The following BTBD9 variants were observed in gnomAD, a reference collection of about 807,000 sequenced individuals.
BTBD9 encodes BTB/POZ domain-containing protein 9.
BTBD9 carries 49 observed loss-of-function variants against 64.3 expected under a neutral mutation model. That is an observed-to-expected ratio of 0.76 (90% CI 0.61 to 0.97). The LOEUF (loss-of-function observed/expected upper bound fraction) is 0.97, where lower values mean the gene tolerates loss of function less well. Among genes scored for constraint, BTBD9 ranks in the 50% least tolerant of loss-of-function variants. The probability of loss-of-function intolerance (pLI) is 0.00; values close to 1 mark genes in which losing one functional copy is unlikely to be tolerated. For synonymous variants in BTBD9, 260 were observed against 274.7 expected (o/e 0.95, Z 0.53); for missense variants, 598 against 762.1 (o/e 0.78, Z 2.53).
chr6:38,608,953 A>C (rs1944471545), intron 1 of BTBD9, among the ~76,000 whole-genome samples: 1 of 152,196 alleles, frequency 6.6e-6, no homozygotes, highest in Non-Finnish European at 1.5e-5. Flanking sequence ...GCAGAAGAAA[A>C]AGAAACTCAG....
chr6:38,596,350 T>A (rs987781646), intron 2 of BTBD9, among the ~76,000 whole-genome samples: 21 of 152,156 alleles, frequency 1.4e-4, no homozygotes, highest in Admixed American at 1.3e-3. Context: ...CTCAATACGA[T>A]CTTCAAATTT....
intron 9 of BTBD9, among the ~76,000 whole-genome samples, chr6:38,209,525 C>A (rs1352280482): frequency 6.6e-6 from 1 of 152,200 alleles, no homozygotes; most frequent in East Asian, 1.9e-4. Flanking sequence ...TGGGTCTTAA[C>A]CTTGGCTGCA....
chr6:38,375,300 A>G (rs948704280), intron 6 of BTBD9, among the ~76,000 whole-genome samples: 1 of 152,194 alleles, frequency 6.6e-6, no homozygotes, highest in Admixed American at 6.5e-5. Flanking sequence ...TATTAGCATC[A>G]AATATTTTTT....
intron 9 of BTBD9, among the ~76,000 whole-genome samples, 196 bp downstream of exon 9, chr6:38,256,213 C>T (rs1764573796): frequency 6.6e-6 from 1 of 152,066 alleles, no homozygotes; most frequent in African/African-American, 2.4e-5. Context: ...AATAGAGAAA[C>T]CCTGTTTGGT....
chr6:38,205,528 T>G (rs1253326967), intron 9 of BTBD9, among the ~76,000 whole-genome samples: 2 of 152,248 alleles, frequency 1.3e-5, no homozygotes, highest in Middle Eastern at 3.4e-3. Context: ...CATCCTCTCT[T>G]TGTATTTATG....
At chr6:38,299,132 T>G (rs1762282673) in intron 7 of BTBD9, among the ~76,000 whole-genome samples, 1 of 152,332 alleles carries the variant, frequency 6.6e-6, no homozygotes, top group African/African-American at 2.4e-5. Flanking sequence ...TTGCGATAGT[T>G]TGCTGAGAAT....
intron 7 of BTBD9, among the ~76,000 whole-genome samples, chr6:38,337,417 A>G (rs1168969524): frequency 6.6e-6 from 1 of 152,256 alleles, no homozygotes; most frequent in Non-Finnish European, 1.5e-5. Context: ...TCTATTTACT[A>G]TCTTCAGCTC....
intron 7 of BTBD9, among the ~76,000 whole-genome samples, chr6:38,305,538 A>T (rs1403987378): frequency 6.6e-6 from 1 of 152,180 alleles, no homozygotes; most frequent in Admixed American, 6.5e-5. Flanking sequence ...GCTGGAGTGC[A>T]GTGGCACGGT....
intron 6 of BTBD9, among the ~76,000 whole-genome samples, chr6:38,530,907 C>T (rs1471194323): frequency 6.6e-6 from 1 of 152,032 alleles, no homozygotes; most frequent in Non-Finnish European, 1.5e-5. Flanking sequence ...AGCTTGAAAA[C>T]TGGCTATTTG....
At chr6:38,210,470 A>G (rs1762791057) in intron 9 of BTBD9, among the ~76,000 whole-genome samples, 1 of 151,786 alleles carries the variant, frequency 6.6e-6, no homozygotes, top group South Asian at 2.1e-4. Flanking sequence ...AAAAAAGCAA[A>G]TTCGTGTTTC....
At chr6:38,590,000 C>T (rs1264070557) in intron 4 of BTBD9, among the ~76,000 whole-genome samples, 1 of 152,188 alleles carries the variant, frequency 6.6e-6, no homozygotes, top group Non-Finnish European at 1.5e-5. Context: ...TCTTTTATCA[C>T]CAGCTTTGAC....
chr6:38,471,300 T>C (rs1279327671), intron 6 of BTBD9, among the ~76,000 whole-genome samples: 1 of 152,180 alleles, frequency 6.6e-6, no homozygotes, highest in Non-Finnish European at 1.5e-5. Flanking sequence ...AAGTAGCAAC[T>C]TTGGGTTTAC....
rs371651433 is a variant in BTBD9 at position 38,349,507 on chromosome 6, T to C, written c.1155-4414A>G. Among the ~76,000 whole-genome samples the C allele has an allele frequency of 4.5e-4, 69 of 152,288 alleles. 4 individuals carry two copies. The South Asian group carries it at 8.5e-3, about 19-fold the overall frequency. ...GAGAGGGAGAGAGACTGCATTCCCA[T>C]AACTTTTCACAGTATATTGTTATAA... On this transcript the variant is annotated intron_variant, in intron 6 of 10. Coordinates refer to ENST00000481247, the MANE Select transcript of BTBD9 (RefSeq NM_001099272.2).
At chr6:38,445,632 A>C (rs1380798954) in intron 6 of BTBD9, among the ~76,000 whole-genome samples, 1 of 152,246 alleles carries the variant, frequency 6.6e-6, no homozygotes, top group African/African-American at 2.4e-5. Flanking sequence ...TGTTAAAAAA[A>C]TATTCTTTTT....
At position 38,439,110 on chromosome 6, in the gene BTBD9, CTTT is replaced by C. The variant is rs35699356; in HGVS notation, c.1155-94020_1155-94018del. Among the ~76,000 whole-genome samples, 6 of 64,050 alleles carry C rather than the reference CTTT, an allele frequency of 9.4e-5. No individual in the cohort carries two copies. The East Asian group carries it at 2.6e-3, about 28-fold the overall frequency. The allele number at this position is 64,050 out of a possible 152,430, so 42.0% of individuals were successfully genotyped here. A position where few individuals can be genotyped will look rare whatever the true frequency, so the allele number is the denominator to read the frequency against. On this transcript the variant is annotated intron_variant, in intron 6 of 10. Coordinates refer to ENST00000481247, the MANE Select transcript of BTBD9 (RefSeq NM_001099272.2). ...TCTTGTAGGCTCGTGTAGCAACTGA[CTTT>C]TTTTTTTTTTTTTTTTTTTTTGGTG...
At chr6:38,539,749 C>A (rs1445357368) in intron 6 of BTBD9, among the ~76,000 whole-genome samples, 3 of 152,070 alleles carry the variant, frequency 2.0e-5, no homozygotes, top group African/African-American at 7.2e-5. Flanking sequence ...AAACCCACCA[C>A]AAATAAAATA....
chr6:38,317,256 A>G (rs1326550147), intron 7 of BTBD9, among the ~76,000 whole-genome samples: 1 of 152,026 alleles, frequency 6.6e-6, no homozygotes, highest in Non-Finnish European at 1.5e-5. Context: ...CGGCCTCCCA[A>G]AGTGCTGGAT....
chr6:38,289,851 T>C (rs138269235), intron 7 of BTBD9, among the ~76,000 whole-genome samples: 411 of 152,180 alleles, frequency 2.7e-3, no homozygotes, highest in South Asian at 3.9e-3. Flanking sequence ...CTCTAAACAC[T>C]GAGAAGAGAA....
At chr6:38,341,679 A>C (rs145740382) in intron 7 of BTBD9, among the ~76,000 whole-genome samples, 2 of 152,240 alleles carry the variant, frequency 1.3e-5, no homozygotes, top group Admixed American at 1.3e-4. Context: ...TAGCAGTCAC[A>C]TCTCTTCTAA....
Sources: gnomAD v4.1 joint callset for allele counts (sites outside exome capture counted in the v4.1 genomes callset) on GRCh38, gnomAD v4.1.1 for gene constraint, MANE v1.5 for transcripts, NCBI Gene and HGNC (gene_info 2026-07-23, HGNC 2026-07-21) for gene names.